The following SIPA1L3 variants were observed in gnomAD, a reference collection of about 807,000 sequenced individuals.
SIPA1L3 encodes signal-induced proliferation-associated 1-like protein 3.
Under a neutral mutation model 150.1 loss-of-function variants are expected in SIPA1L3, and 59 were observed. That is an observed-to-expected ratio of 0.39 (90% CI 0.32 to 0.49). The LOEUF is 0.49. Ranked by LOEUF, SIPA1L3 falls within the 20% of genes least tolerant of loss-of-function variation. The pLI, the probability that SIPA1L3 is intolerant of heterozygous loss-of-function variation, is 0.86. For synonymous variants in SIPA1L3, 1,070 were observed against 1,077.6 expected (o/e 0.99, Z 0.14); for missense variants, 2,211 against 2,489.5 (o/e 0.89, Z 2.38).
chr19:38,204,337 A>T (rs1973158796), intron 21 of SIPA1L3, 129 bp downstream of exon 21: 1 of 672,578 alleles, frequency 1.5e-6, no homozygotes, highest in South Asian at 1.8e-5. Flanking sequence ...GTTTGAGTGT[A>T]GTCATGGGTG....
rs574360386 is a variant in SIPA1L3, at chr19:37,920,037, G to T, written c.-379+12679G>T. On this transcript the variant is annotated intron_variant, in intron 1 of 21. Coordinates refer to ENST00000222345, the MANE Select transcript of SIPA1L3 (RefSeq NM_015073.3). ...GCCCTGAGGCTTTAATACCCCTCTG[G>T]CCAGTGCTTCTTGGTTTGTAATTTT... Among the ~76,000 whole-genome samples the T allele has an allele frequency of 2.0e-4, 30 of 150,726 alleles. No homozygotes were observed. The East Asian group carries it at 5.1e-3, about 26-fold the overall frequency.
chr19:38,082,741 C>T lies in SIPA1L3; in HGVS notation c.1176C>T (p.Leu392=), dbSNP rs748946170. 5.6e-6 allele frequency: 9 copies of T among 1,612,510 alleles called. No individual in the cohort carries two copies. Among genetic ancestry groups the T allele is most frequent in the South Asian group, 1.1e-5 (1 of 91,086 alleles). The change falls in exon 3 of 22, where the codon CTC becomes CTT. Residue 392 remains leucine, a synonymous_variant. Coordinates refer to ENST00000222345, the MANE Select transcript of SIPA1L3 (RefSeq NM_015073.3). The part of the protein sequence containing the change: ...ASLTASRAHS[L]GGLDPAFTST... Reference sequence around the variant, plus strand: ...TCACGGCCTCGCGGGCCCACAGCCTCGGAGGCCTGGACCCGGCCTTCACCA... The same window carrying T: ...TCACGGCCTCGCGGGCCCACAGCCTTGGAGGCCTGGACCCGGCCTTCACCA...
chr19:37,996,780 C>T (rs1442475368), intron 1 of SIPA1L3, among the ~76,000 whole-genome samples: 1 of 152,136 alleles, frequency 6.6e-6, no homozygotes, highest in East Asian at 1.9e-4. Flanking sequence ...GCTACACCCT[C>T]CACCTTCTGG....
intron 13 of SIPA1L3, among the ~76,000 whole-genome samples, chr19:38,160,315 A>AT (rs1165359605): frequency 2.1e-5 from 3 of 145,278 alleles, no homozygotes; most frequent in Non-Finnish European, 4.6e-5. Flanking sequence ...CACCTGGCCA[A>AT]TTTTTTTTTA....
chr19:37,910,308 G>T (rs1249986393), intron 1 of SIPA1L3, among the ~76,000 whole-genome samples: 1 of 151,940 alleles, frequency 6.6e-6, no homozygotes, highest in African/African-American at 2.4e-5. Context: ...AGTGGCTCAT[G>T]CCTGTAATCC....
chr19:37,959,205 C>G (rs139342387), intron 1 of SIPA1L3, among the ~76,000 whole-genome samples: 128 of 152,334 alleles, frequency 8.4e-4, no homozygotes, highest in African/African-American at 3.0e-3. Flanking sequence ...AATATATGTT[C>G]ACATAATTAC....
At chr19:38,011,037 T>C (rs1046273925) in intron 1 of SIPA1L3, among the ~76,000 whole-genome samples, 1 of 152,188 alleles carries the variant, frequency 6.6e-6, no homozygotes, top group East Asian at 1.9e-4. Flanking sequence ...ATATATCTTA[T>C]TTTTTCTTAG....
intron 20 of SIPA1L3, among the ~76,000 whole-genome samples, chr19:38,202,925 A>G (rs1331544717): frequency 6.6e-6 from 1 of 152,196 alleles, no homozygotes; most frequent in Non-Finnish European, 1.5e-5. Flanking sequence ...ATTTGACTGC[A>G]CTCACTTGGC....
chr19:38,093,570 C>T (rs1008192441), intron 4 of SIPA1L3, among the ~76,000 whole-genome samples: 2 of 152,162 alleles, frequency 1.3e-5, no homozygotes, highest in African/African-American at 2.4e-5. Context: ...AGGTCAGAGC[C>T]CCATGCTGGG....
At position 38,110,207 on chromosome 19, in the gene SIPA1L3, C is replaced by A; in HGVS notation, c.2134-20C>A. 6.2e-7 allele frequency: 1 copy of A among 1,612,604 alleles called. No individual in the cohort carries two copies. On this transcript the variant is annotated intron_variant, in intron 7 of 21. Transcript: ENST00000222345. ...CCGACCTGTGACAGGTTCCTGTCCC[C>A]CTCTGTTGCCCTTTCCCAGCTGCTA...
At chr19:37,944,145 G>C (rs1304290824) in intron 1 of SIPA1L3, among the ~76,000 whole-genome samples, 1 of 152,094 alleles carries the variant, frequency 6.6e-6, no homozygotes, top group African/African-American at 2.4e-5. Flanking sequence ...AGGTGCAGAG[G>C]CATGCGCCTG....
intron 4 of SIPA1L3, 112 bp from the exon 5 acceptor site, chr19:38,099,850 C>T: frequency 2.1e-6 from 2 of 949,230 alleles, no homozygotes; most frequent in South Asian, 1.9e-5. Flanking sequence ...CCTTAGAGCA[C>T]AAACTTCCAA....
chr19:37,994,056 G>T (rs1046892206), intron 1 of SIPA1L3, among the ~76,000 whole-genome samples: 1 of 152,048 alleles, frequency 6.6e-6, no homozygotes, highest in African/African-American at 2.4e-5. Flanking sequence ...CACCACACCT[G>T]GCTAAGTTTC....
intron 2 of SIPA1L3, among the ~76,000 whole-genome samples, chr19:38,032,927 G>A (rs977914111): frequency 7.9e-5 from 12 of 152,168 alleles, no homozygotes; most frequent in African/African-American, 2.9e-4. Context: ...GGAGTATATA[G>A]TGATGAATAA....
chr19:38,035,138 G>A (rs1050548023), intron 2 of SIPA1L3, among the ~76,000 whole-genome samples: 1 of 152,156 alleles, frequency 6.6e-6, no homozygotes, highest in Non-Finnish European at 1.5e-5. Context: ...CTTTGGAGGT[G>A]GAATAGAGAT....
intron 2 of SIPA1L3, among the ~76,000 whole-genome samples, chr19:38,060,252 AC>A (rs1177925335): frequency 2.0e-5 from 3 of 152,170 alleles, no homozygotes; most frequent in African/African-American, 7.2e-5. Flanking sequence ...TGGCTTTTTC[AC>A]TTAGTATCAT....
chr19:38,123,720 C>G (rs12979808), intron 9 of SIPA1L3, among the ~76,000 whole-genome samples: 54,975 of 151,810 alleles, frequency 0.36, 10,979 homozygotes, highest in East Asian at 0.62. Flanking sequence ...CACCTTTCCC[C>G]CCTTTCTATT....
intron 10 of SIPA1L3, among the ~76,000 whole-genome samples, chr19:38,135,475 G>A (rs553451622): frequency 3.9e-5 from 6 of 152,302 alleles, no homozygotes; most frequent in South Asian, 4.1e-4. Context: ...TACGCTCCTC[G>A]AGGAAGGACA....
intron 1 of SIPA1L3, among the ~76,000 whole-genome samples, chr19:38,013,622 C>A (rs551091115): frequency 1.3e-5 from 2 of 152,150 alleles, no homozygotes; most frequent in African/African-American, 4.8e-5. Context: ...GAAACCATTC[C>A]GAAATGTAAC....
Sources: gnomAD v4.1 joint callset for allele counts (sites outside exome capture counted in the v4.1 genomes callset) on GRCh38, gnomAD v4.1.1 for gene constraint, MANE v1.5 for transcripts, NCBI Gene and HGNC (gene_info 2026-07-23, HGNC 2026-07-21) for gene names.